NRG3: variants seen among roughly 807,000 people sequenced by gnomAD.
The protein encoded by NRG3 is neuregulin 3, also known as pro-neuregulin-3, membrane-bound isoform.
In NRG3, 31 loss-of-function variants were observed where a neutral mutation model predicts 66.9. That is an observed-to-expected ratio of 0.46 (90% confidence interval 0.35 to 0.63). The LOEUF is 0.63. NRG3 is among the 20% of genes least tolerant of loss of function. NRG3 has a pLI of 0.00. For missense variants in NRG3, 910 were observed against 878.9 expected, an observed-to-expected ratio of 1.04 and a Z score of -0.45; for synonymous variants, 393 against 359.4, an observed-to-expected ratio of 1.09 and a Z score of -1.06.
intron 1 of NRG3, among the ~76,000 whole-genome samples, chr10:82,182,847 A>C (rs2073529664): frequency 6.6e-6 from 1 of 151,944 alleles, no homozygotes; most frequent in Non-Finnish European, 1.5e-5. Context: ...AGTTTTGTTC[A>C]TCTGAGAAAG....
intron 2 of NRG3, among the ~76,000 whole-genome samples, chr10:82,532,481 T>A (rs933014565): frequency 1.7e-4 from 25 of 148,226 alleles, no homozygotes; most frequent in Non-Finnish European, 3.3e-4. Flanking sequence ...ATATATATAG[T>A]ACTCTCTATA....
chr10:82,792,523 G>T (rs375330535), intron 3 of NRG3, among the ~76,000 whole-genome samples: 2 of 151,762 alleles, frequency 1.3e-5, no homozygotes, highest in African/African-American at 2.4e-5. Flanking sequence ...ATCTCTATTA[G>T]GTGTTATTTC....
chr10:82,910,460 C>T (rs143158726), intron 4 of NRG3, among the ~76,000 whole-genome samples: 2 of 152,352 alleles, frequency 1.3e-5, no homozygotes, highest in African/African-American at 4.8e-5. Flanking sequence ...TAGGCATAAG[C>T]TTGAGTCCTC....
intron 3 of NRG3, among the ~76,000 whole-genome samples, chr10:82,776,876 C>T: frequency 6.6e-6 from 1 of 151,730 alleles, no homozygotes; most frequent in Admixed American, 6.6e-5. Flanking sequence ...TCATGAATTC[C>T]CTTTATATGA....
intron 2 of NRG3, among the ~76,000 whole-genome samples, chr10:82,624,907 A>G (rs949863379): frequency 6.8e-6 from 1 of 146,870 alleles, no homozygotes; most frequent in Non-Finnish European, 1.5e-5. Flanking sequence ...ATATAAATAT[A>G]TATATATATT....
chr10:82,156,241 A>G lies in NRG3; in HGVS notation c.824-202498A>G, dbSNP rs145869283. On this transcript the variant is annotated intron_variant, in intron 1 of 8. Coordinates refer to ENST00000372141, the MANE Select transcript of NRG3 (RefSeq NM_001010848.4). Reference sequence around the variant, plus strand: ...CAATCTACACTTACATAGATTGATTATAACATTTTCATTTATTTTTTTTTT... The same window carrying G: ...CAATCTACACTTACATAGATTGATTGTAACATTTTCATTTATTTTTTTTTT... Among the ~76,000 whole-genome samples, 700 of 151,002 alleles carry G rather than the reference A, an allele frequency of 4.6e-3. 5 individuals carry two copies. Among genetic ancestry groups the G allele is most frequent in the Non-Finnish European group, 7.7e-3 (519 of 67,702 alleles).
intron 3 of NRG3, among the ~76,000 whole-genome samples, chr10:82,756,769 A>G (rs12251206): frequency 0.093 from 14,203 of 152,046 alleles, 866 homozygotes; most frequent in Middle Eastern, 0.18. Context: ...GTTTTCAGGA[A>G]TATATTCATT....
rs192407002 is a variant in NRG3, at chr10:82,254,658, C to T, written c.824-104081C>T. 3.4e-3 allele frequency among the ~76,000 whole-genome samples: 506 copies of T among 150,830 alleles called. 2 individuals carry two copies. Among genetic ancestry groups the T allele is most frequent in the African/African-American group, 0.011 (457 of 41,394 alleles). The stretch of plus-strand genomic sequence containing the variant: ...AAGTGCTAAAAACAAAACAAATACA[C>T]ACACACACACACACACAAAACAAAA... On this transcript the variant is annotated intron_variant, in intron 1 of 8. Coordinates refer to ENST00000372141, the MANE Select transcript of NRG3 (RefSeq NM_001010848.4).
chr10:82,107,023 G>A (rs893277702), intron 1 of NRG3, among the ~76,000 whole-genome samples: 13 of 152,202 alleles, frequency 8.5e-5, no homozygotes, highest in African/African-American at 3.1e-4. Flanking sequence ...AGAGGAGCTA[G>A]ACATGGGCAC....
chr10:82,377,887 A>T (rs2085354665), intron 2 of NRG3, among the ~76,000 whole-genome samples: 1 of 152,198 alleles, frequency 6.6e-6, no homozygotes, highest in Admixed American at 6.5e-5. Flanking sequence ...CACTTCTGTC[A>T]CTGGTGCCAC....
At chr10:82,305,080 C>T (rs962711057) in intron 1 of NRG3, among the ~76,000 whole-genome samples, 45 of 148,742 alleles carry the variant, frequency 3.0e-4, no homozygotes, top group Non-Finnish European at 4.5e-4. Flanking sequence ...CTGCAAGCTC[C>T]GCCTCCTGGG....
intron 2 of NRG3, among the ~76,000 whole-genome samples, chr10:82,472,697 TTTTC>T (rs1841384786): frequency 6.6e-6 from 1 of 152,216 alleles, no homozygotes; most frequent in East Asian, 1.9e-4. Flanking sequence ...TGTTTTCCCC[TTTTC>T]TTTCTTCTCT....
chr10:82,045,599 T>C (rs2063246810), intron 1 of NRG3, among the ~76,000 whole-genome samples: 1 of 74,830 alleles, frequency 1.3e-5, no homozygotes, highest in Non-Finnish European at 2.9e-5. Context: ...ATTATGGCTT[T>C]TGTTGCCATT....
chr10:82,160,906 A>G (rs985593489), intron 1 of NRG3, among the ~76,000 whole-genome samples: 2 of 152,048 alleles, frequency 1.3e-5, no homozygotes, highest in African/African-American at 4.8e-5. Context: ...ATAAACTAGA[A>G]TAAAATTATA....
At chr10:82,643,538 T>C (rs993180432) in intron 2 of NRG3, among the ~76,000 whole-genome samples, 1 of 152,096 alleles carries the variant, frequency 6.6e-6, no homozygotes, top group Non-Finnish European at 1.5e-5. Context: ...TCCCTAAGCA[T>C]GATTAATAAT....
At chr10:82,012,099 G>T (rs936003368) in intron 1 of NRG3, among the ~76,000 whole-genome samples, 3 of 152,222 alleles carry the variant, frequency 2.0e-5, no homozygotes, top group Non-Finnish European at 2.9e-5. Flanking sequence ...GCAAACTTCT[G>T]CCTGGATATC....
At chr10:82,114,177 A>T (rs1590165393) in intron 1 of NRG3, among the ~76,000 whole-genome samples, 2 of 152,284 alleles carry the variant, frequency 1.3e-5, no homozygotes, top group East Asian at 3.9e-4. Flanking sequence ...GACAAACAAT[A>T]TTCCATTGCA....
At chr10:82,973,333 T>C (rs1851941166) in intron 6 of NRG3, among the ~76,000 whole-genome samples, 1 of 152,222 alleles carries the variant, frequency 6.6e-6, no homozygotes, top group Non-Finnish European at 1.5e-5. Flanking sequence ...TGGAATGTGG[T>C]GGCCAGATAT....
At chr10:82,669,251 A>G (rs1489454524) in intron 2 of NRG3, among the ~76,000 whole-genome samples, 1 of 11,140 alleles carries the variant, frequency 9.0e-5, no homozygotes, top group Non-Finnish European at 1.6e-4. Flanking sequence ...TATGATGGTA[A>G]TAATAATAAT....
Sources: gnomAD v4.1 joint callset for allele counts (sites outside exome capture counted in the v4.1 genomes callset) on GRCh38, gnomAD v4.1.1 for gene constraint, MANE v1.5 for transcripts, NCBI Gene and HGNC (gene_info 2026-07-23, HGNC 2026-07-21) for gene names.